NPAS2: variants seen among roughly 807,000 people sequenced by gnomAD.
The protein encoded by NPAS2 is neuronal PAS domain protein 2.
In NPAS2, 23 loss-of-function variants were observed where a neutral mutation model predicts 107.5. The ratio of observed to expected loss-of-function variants is 0.21; its 90% CI spans 0.15 to 0.30. The LOEUF (loss-of-function observed/expected upper bound fraction) is 0.30. Ranked by LOEUF, NPAS2 falls within the 10% of genes least tolerant of loss-of-function variation. The probability of loss-of-function intolerance (pLI) is 1.00; values close to 1 mark genes in which losing one functional copy is unlikely to be tolerated. For missense variants in NPAS2, 756 were observed against 1,043.3 expected (o/e 0.72, Z 3.79); for synonymous variants, 403 against 417.5 (o/e 0.97, Z 0.42).
chr2:100,917,120 AAAGC>A (rs1682930962), intron 2 of NPAS2, among the ~76,000 whole-genome samples: 1 of 152,252 alleles, frequency 6.6e-6, no homozygotes, highest in Admixed American at 6.5e-5. Context: ...TAGAAACAGA[AAAGC>A]AAAATAAACT....
At chr2:100,920,512 G>T (rs925733647) in intron 2 of NPAS2, among the ~76,000 whole-genome samples, 1 of 152,138 alleles carries the variant, frequency 6.6e-6, no homozygotes, top group African/African-American at 2.4e-5. Flanking sequence ...TTCCACCCAT[G>T]AGTGCCTTTC....
intron 11 of NPAS2, among the ~76,000 whole-genome samples, chr2:100,969,921 C>T (rs1676441404): frequency 6.6e-6 from 1 of 152,130 alleles, no homozygotes; most frequent in Non-Finnish European, 1.5e-5. Flanking sequence ...AAGCACATGA[C>T]TATATATATG....
chr2:100,949,585 T>C (rs1675105217), intron 7 of NPAS2, 105 bp downstream of exon 7: 1 of 679,332 alleles, frequency 1.5e-6, no homozygotes, highest in Admixed American at 2.5e-5. Flanking sequence ...AACGCGTGCT[T>C]TTCACATTTG....
intron 1 of NPAS2, among the ~76,000 whole-genome samples, chr2:100,845,546 A>T (rs1462937995): frequency 6.6e-6 from 1 of 152,150 alleles, no homozygotes; most frequent in Non-Finnish European, 1.5e-5. Context: ...GACTACATGC[A>T]CTCAGGCACC....
chr2:100,934,999 G>A (rs753740051), intron 4 of NPAS2: 20 of 985,182 alleles, frequency 2.0e-5, no homozygotes, highest in South Asian at 4.7e-5. Context: ...TGTGACTCCC[G>A]TCTTCTTCCC....
At chr2:100,840,414 G>A (rs191190868) in intron 1 of NPAS2, among the ~76,000 whole-genome samples, 9 of 152,146 alleles carry the variant, frequency 5.9e-5, no homozygotes, top group African/African-American at 1.4e-4. Context: ...ATTGAACTGC[G>A]CTGAAGGACA....
intron 1 of NPAS2, among the ~76,000 whole-genome samples, chr2:100,863,674 C>A (rs187996669): frequency 6.6e-6 from 1 of 152,134 alleles, no homozygotes; most frequent in African/African-American, 2.4e-5. Context: ...CGAGTTGCAT[C>A]CTTAAATACA....
chr2:100,884,377 C>T (rs377300863), intron 1 of NPAS2, among the ~76,000 whole-genome samples: 4 of 152,274 alleles, frequency 2.6e-5, no homozygotes, highest in Admixed American at 2.6e-4. Context: ...ATTTGTTTTT[C>T]TACAACCAAG....
chr2:100,885,230 G>A (rs6742469), intron 1 of NPAS2, among the ~76,000 whole-genome samples: 7,726 of 152,138 alleles, frequency 0.051, 648 homozygotes, highest in African/African-American at 0.18. Flanking sequence ...GATTACAGGC[G>A]TGAGCCACCG....
chr2:100,930,668 A>T (rs955902068), intron 3 of NPAS2, among the ~76,000 whole-genome samples: 1 of 152,172 alleles, frequency 6.6e-6, no homozygotes, highest in African/African-American at 2.4e-5. Flanking sequence ...CAAGGAGTCT[A>T]ATTCAGTTGT....
In NPAS2 at chr2:100,993,367, T is replaced by C. The variant is rs767702332; in HGVS notation, c.2132T>C (p.Val711Ala). 8 of 1,600,372 alleles carry C rather than the reference T, an allele frequency of 5.0e-6. No homozygotes were observed. In the Admixed American group the frequency reaches 1.2e-4, roughly 24 times the overall value. Residue 711 changes from valine (V) to alanine (A), a missense_variant, in exon 20 of 21, where the codon GTG (valine) becomes GCG (alanine). Val to Ala is a moderately conservative substitution (Grantham distance 64). Transcript: ENST00000335681. The part of the protein sequence containing the change: ...RQVKYAQSQT[V>A]FQNPDAHPAN... Reference sequence around the variant, plus strand: ...AACAGGTACGCCCAGAGCCAGACCGTGTTTCAAAATCCAGACGCACACCCC... The same window carrying C: ...AACAGGTACGCCCAGAGCCAGACCGCGTTTCAAAATCCAGACGCACACCCC...
intron 1 of NPAS2, among the ~76,000 whole-genome samples, chr2:100,883,676 G>A (rs1680519196): frequency 6.6e-6 from 1 of 152,102 alleles, no homozygotes; most frequent in Non-Finnish European, 1.5e-5. Flanking sequence ...AGCCACCTGT[G>A]CAGGTCATTC....
chr2:100,891,231 CAA>C (rs141211705), intron 1 of NPAS2, among the ~76,000 whole-genome samples: 27 of 93,776 alleles, frequency 2.9e-4, no homozygotes, highest in Admixed American at 4.7e-4. Flanking sequence ...GACTCCATCT[CAA>C]AAAAAAAAAA....
At chr2:100,835,088 G>A (rs1187648544) in intron 1 of NPAS2, among the ~76,000 whole-genome samples, 2 of 152,116 alleles carry the variant, frequency 1.3e-5, no homozygotes, top group Non-Finnish European at 2.9e-5. Flanking sequence ...TGGGAGGGGG[G>A]ACCCTGTGTT....
intron 1 of NPAS2, among the ~76,000 whole-genome samples, chr2:100,866,025 T>C (rs749361839): frequency 2.0e-5 from 3 of 152,182 alleles, no homozygotes; most frequent in Non-Finnish European, 4.4e-5. Flanking sequence ...CTTCAGTCAA[T>C]GTTCATGCTC....
chr2:100,929,248 A>G (rs1284366080), intron 3 of NPAS2, among the ~76,000 whole-genome samples: 1 of 152,210 alleles, frequency 6.6e-6, no homozygotes. Context: ...GATGAGACAC[A>G]CAAGGTCAAG....
At chr2:100,874,914 G>A (rs2104595720) in intron 1 of NPAS2, among the ~76,000 whole-genome samples, 1 of 152,274 alleles carries the variant, frequency 6.6e-6, no homozygotes, top group Admixed American at 6.5e-5. Flanking sequence ...AAGGACCCAA[G>A]GAGACGGATG....
At chr2:100,852,859 A>C (rs1400383801) in intron 1 of NPAS2, among the ~76,000 whole-genome samples, 1 of 152,190 alleles carries the variant, frequency 6.6e-6, no homozygotes, top group Admixed American at 6.5e-5. Context: ...AGGGGCGTTC[A>C]GTGCTTTCTT....
intron 1 of NPAS2, among the ~76,000 whole-genome samples, chr2:100,899,832 A>G (rs1681658710): frequency 6.6e-6 from 1 of 152,188 alleles, no homozygotes; most frequent in Non-Finnish European, 1.5e-5. Flanking sequence ...TGCTAATGCA[A>G]TTCAACAGGG....
Sources: gnomAD v4.1 joint callset for allele counts (sites outside exome capture counted in the v4.1 genomes callset) on GRCh38, gnomAD v4.1.1 for gene constraint, MANE v1.5 for transcripts, NCBI Gene and HGNC (gene_info 2026-07-23, HGNC 2026-07-21) for gene names.